Variants in NAALADL2 observed in about 807,000 individuals in gnomAD.
The protein encoded by NAALADL2 is N-acetylated alpha-linked acidic dipeptidase like 2, also known as inactive N-acetylated-alpha-linked acidic dipeptidase-like protein 2.
NAALADL2 carries 76 observed loss-of-function variants against 87.2 expected under a neutral mutation model. That is an observed-to-expected ratio of 0.87 (90% confidence interval 0.72 to 1.05). The LOEUF (loss-of-function observed/expected upper bound fraction) is 1.05, where lower values mean the gene tolerates loss of function less well. NAALADL2 is among the 50% of genes least tolerant of loss of function. NAALADL2 has a pLI of 0.00. For missense variants in NAALADL2, 1,089 were observed against 945.8 expected (o/e 1.15, Z -1.99); for synonymous variants, 354 against 331.0 (o/e 1.07, Z -0.75).
At chr3:174,485,564 C>T (rs906124588) in intron 1 of NAALADL2, among the ~76,000 whole-genome samples, 5 of 151,908 alleles carry the variant, frequency 3.3e-5, no homozygotes, top group African/African-American at 1.2e-4. Flanking sequence ...TTTTCTGTTC[C>T]TGCATTAGTT....
intron 5 of NAALADL2, among the ~76,000 whole-genome samples, chr3:175,368,736 A>T (rs770857903): frequency 1.5e-4 from 23 of 152,158 alleles, no homozygotes; most frequent in Non-Finnish European, 2.6e-4. Flanking sequence ...CACATTGTGT[A>T]GCCTCCTAAA....
At chr3:175,277,187 C>T (rs1238044954) in intron 4 of NAALADL2, among the ~76,000 whole-genome samples, 2 of 152,056 alleles carry the variant, frequency 1.3e-5, no homozygotes, top group Admixed American at 1.3e-4. Context: ...TTATTTCTAG[C>T]CCCATTGCAC....
intron 3 of NAALADL2, among the ~76,000 whole-genome samples, chr3:175,242,201 G>C (rs1459475146): frequency 6.6e-6 from 1 of 152,076 alleles, no homozygotes; most frequent in Non-Finnish European, 1.5e-5. Flanking sequence ...TATTTCTAAA[G>C]ACTTTTAGTC....
intron 2 of NAALADL2, among the ~76,000 whole-genome samples, chr3:174,615,525 T>C (rs556671403): frequency 1.3e-5 from 2 of 152,298 alleles, no homozygotes; most frequent in East Asian, 1.9e-4. Flanking sequence ...GCTTGGTGTA[T>C]TAAGGAAGAT....
intron 10 of NAALADL2, among the ~76,000 whole-genome samples, chr3:175,608,417 CA>C (rs1195883622): frequency 6.6e-6 from 1 of 151,646 alleles, no homozygotes; most frequent in Non-Finnish European, 1.5e-5. Flanking sequence ...AGTTTATCTG[CA>C]CAATATGTTC....
intron 5 of NAALADL2, among the ~76,000 whole-genome samples, chr3:175,345,765 G>C (rs1359572954): frequency 6.6e-6 from 1 of 152,134 alleles, no homozygotes; most frequent in African/African-American, 2.4e-5. Context: ...CAATTCCATA[G>C]TGATTGTCAA....
rs572705805 is a variant in NAALADL2 at position 175,256,419 on chromosome 3, C to T, written c.828C>T (p.Val276=). 1 of 1,608,862 alleles carries T rather than the reference C, an allele frequency of 6.2e-7. No homozygotes were observed. Among genetic ancestry groups the T allele is most frequent in the African/African-American group, 1.3e-5 (1 of 74,718 alleles). The part of the protein sequence containing the change: ...YSAKGTLKAE[V]IDVSYGMADD... Reference sequence around the variant, plus strand: ...TTTTTCTCCTCTTTCAGGCTGAAGTCATCGATGTGAGTTATGGAATGGCAG... The same window carrying T: ...TTTTTCTCCTCTTTCAGGCTGAAGTTATCGATGTGAGTTATGGAATGGCAG... The change falls in exon 4 of 14, where the codon GTC becomes GTT. Residue 276 remains valine (V), a synonymous_variant. Coordinates refer to ENST00000454872, the MANE Select transcript of NAALADL2 (RefSeq NM_207015.3).
chr3:174,964,791 G>A (rs1742627634), intron 1 of NAALADL2, among the ~76,000 whole-genome samples: 1 of 151,586 alleles, frequency 6.6e-6, no homozygotes, highest in African/African-American at 2.4e-5. Flanking sequence ...ACCTCTCAGG[G>A]CCAGATACTG....
chr3:174,755,056 G>GGGAGAGACCCGGTGGA (rs1316351444), intron 3 of NAALADL2, among the ~76,000 whole-genome samples: 3 of 152,154 alleles, frequency 2.0e-5, no homozygotes, highest in African/African-American at 7.2e-5. Context: ...CACTTGTCAA[G>GGGAGAGACCCGGTGGA]GGAGAGACCC....
At chr3:175,150,474 ATGT>A (rs1560093120) in intron 2 of NAALADL2, among the ~76,000 whole-genome samples, 1 of 152,076 alleles carries the variant, frequency 6.6e-6, no homozygotes, top group African/African-American at 2.4e-5. Context: ...GTGCATCTAT[ATGT>A]TGTTTGTCTT....
intron 4 of NAALADL2, among the ~76,000 whole-genome samples, chr3:175,289,620 A>T (rs969430473): frequency 4.2e-4 from 64 of 152,120 alleles, no homozygotes; most frequent in African/African-American, 1.4e-3. Context: ...TAAAAATAAA[A>T]TTTTATAAGA....
At chr3:175,787,747 C>G (rs111550303) in intron 13 of NAALADL2, among the ~76,000 whole-genome samples, 5,114 of 152,104 alleles carry the variant, frequency 0.034, 107 homozygotes, top group South Asian at 0.068. Context: ...CACAACATAA[C>G]GCTTTTAGAA....
chr3:174,490,234 G>A (rs1030355914), intron 1 of NAALADL2, among the ~76,000 whole-genome samples: 1 of 152,032 alleles, frequency 6.6e-6, no homozygotes, highest in Non-Finnish European at 1.5e-5. Context: ...AATAAAAAAT[G>A]AAGTATTGAT....
chr3:175,485,067 A>T (rs1372554160), intron 9 of NAALADL2, among the ~76,000 whole-genome samples: 1 of 152,192 alleles, frequency 6.6e-6, no homozygotes, highest in Non-Finnish European at 1.5e-5. Flanking sequence ...TCCTGGTTTA[A>T]CAATGTATTG....
At chr3:174,897,247 A>G (rs1292621804) in intron 1 of NAALADL2, among the ~76,000 whole-genome samples, 2 of 152,206 alleles carry the variant, frequency 1.3e-5, no homozygotes, top group Non-Finnish European at 2.9e-5. Flanking sequence ...GAATGGGAGA[A>G]TATATTTACA....
intron 2 of NAALADL2, among the ~76,000 whole-genome samples, chr3:175,110,342 A>T (rs1723981603): frequency 6.6e-6 from 1 of 151,886 alleles, no homozygotes; most frequent in African/African-American, 2.4e-5. Flanking sequence ...TTTAAAAAAT[A>T]CAGGCCATAT....
chr3:175,239,111 T>A (rs1207715494), intron 3 of NAALADL2, among the ~76,000 whole-genome samples: 1 of 152,202 alleles, frequency 6.6e-6, no homozygotes, highest in African/African-American at 2.4e-5. Context: ...TGATGGATGG[T>A]GTACTTTACA....
intron 10 of NAALADL2, among the ~76,000 whole-genome samples, chr3:175,596,516 T>A (rs1423629662): frequency 9.2e-5 from 14 of 151,996 alleles, no homozygotes; most frequent in Non-Finnish European, 4.4e-5. Flanking sequence ...ATATGAAGAA[T>A]TTAATCCTTA....
intron 2 of NAALADL2, among the ~76,000 whole-genome samples, chr3:174,707,841 C>G (rs812324): frequency 0.032 from 4,607 of 142,516 alleles, 122 homozygotes; most frequent in Non-Finnish European, 0.044. Flanking sequence ...GTCCAAAGCA[C>G]AAAAAAAAAA....
Sources: allele counts gnomAD v4.1 joint callset (sites outside exome capture counted in the v4.1 genomes callset), GRCh38; gene constraint gnomAD v4.1.1; transcripts MANE v1.5; gene names NCBI Gene and HGNC (gene_info 2026-07-23, HGNC 2026-07-21).